The following C1RL variants were observed in gnomAD, a reference collection of about 807,000 sequenced individuals.
C1RL encodes complement C1r subcomponent like.
In C1RL, 27 loss-of-function variants were observed where a neutral mutation model predicts 27.9. The ratio of observed to expected loss-of-function variants is 0.97; its 90% CI spans 0.71 to 1.33. The LOEUF (loss-of-function observed/expected upper bound fraction) is 1.33. Ranked by LOEUF, C1RL falls within the 40% of genes most tolerant of loss-of-function variation. The pLI, the probability that C1RL is intolerant of heterozygous loss-of-function variation, is 0.00. For synonymous variants in C1RL, 248 were observed against 252.1 expected, an observed-to-expected ratio of 0.98 and a Z score of 0.15; for missense variants, 563 against 623.9, an observed-to-expected ratio of 0.90 and a Z score of 1.04.
chr12:7,108,161 G>A, intron 2 of C1RL, 90 bp downstream of exon 2: 1 of 1,073,844 alleles, frequency 9.3e-7, no homozygotes, highest in Non-Finnish European at 1.3e-6. Context: ...CCCTCCTCCA[G>A]ATGGGGGATT....
rs1938829928 is a variant in C1RL, at chr12:7,108,462, C to T, written c.89G>A (p.Trp30Ter). 2 of 1,598,508 alleles carry T rather than the reference C, an allele frequency of 1.3e-6. No individual in the cohort carries two copies. The highest frequency in any genetic ancestry group is 8.5e-7 in the Non-Finnish European group (1 of 1,170,244). ...CPGAMWWLLLWGVLQACPTRG... is the reference protein window; with the variant it reads ...CPGAMWWLLL The stretch of plus-strand genomic sequence containing the variant: ...GGTTGGGCAAGCCTGGAGGACTCCC[C>T]AGAGAAGCAGCCACCACCTGTGAGT... The change falls in exon 2 of 6, where the codon TGG becomes TAG. Residue 30 changes from tryptophan to a stop codon, truncating the protein, a stop_gained. Coordinates refer to ENST00000266542, the MANE Select transcript of C1RL (RefSeq NM_016546.4). LOFTEE classifies it high-confidence loss of function.
rs1938822726 is a variant in C1RL at position 7,108,313 on chromosome 12, T to C, written c.238A>G (p.Arg80Gly). 1 of 1,614,222 alleles carries C rather than the reference T, an allele frequency of 6.2e-7. No homozygotes were observed. Among genetic ancestry groups the C allele is most frequent in the Non-Finnish European group, 8.5e-7 (1 of 1,180,016 alleles). The change falls in exon 2 of 6, where the codon AGG becomes GGG. Residue 80 changes from arginine (R) to glycine (G), a missense_variant. Physicochemically the swap from Arg to Gly is moderately radical, Grantham distance 125 (BLOSUM62 -2). Transcript: ENST00000266542. ...DIKAPEGFAV[R>G]LVFQDFDLEP... ...AGGTCGAAGTCCTGGAAGACGAGCCTCACAGCAAAGCCCTCTGGAGCCTTG... is the reference window on the plus strand; with the variant it reads ...AGGTCGAAGTCCTGGAAGACGAGCCCCACAGCAAAGCCCTCTGGAGCCTTG...
rs746609919 is a variant in C1RL, at chr12:7,104,453, G to A, written c.301-2366C>T. ...AGAAAAAATATTGCCCCGTGTCCGGGGCCACTCTCTGGGTGAAGTCTGCAC... is the reference window on the plus strand; with the variant it reads ...AGAAAAAATATTGCCCCGTGTCCGGAGCCACTCTCTGGGTGAAGTCTGCAC... On this transcript the variant is annotated intron_variant, in intron 2 of 5. Coordinates refer to ENST00000266542, the MANE Select transcript of C1RL (RefSeq NM_016546.4). This position sits in a 1 kb window ranked among gnomAD's most constrained non-coding sequence, Gnocchi z 5.4. Among the ~76,000 whole-genome samples, 1 of 152,188 alleles carries A rather than the reference G, an allele frequency of 6.6e-6. No individual in the cohort carries two copies. Among genetic ancestry groups the A allele is most frequent in the Non-Finnish European group, 1.5e-5 (1 of 68,038 alleles).
In C1RL at chr12:7,096,496, C is replaced by T. The variant is rs764842972; in HGVS notation, c.1359G>A (p.Thr453=). 2.5e-6 allele frequency: 4 copies of T among 1,614,140 alleles called. No individual in the cohort carries two copies. The highest frequency in any genetic ancestry group is 1.3e-5 in the African/African-American group (1 of 75,008). ...WDNHAHHWVA[T]GIVSWGIGCG... Reference sequence around the variant, plus strand: ...ACCCTATGCCCCAGGACACAATGCCCGTGGCCACCCAGTGATGGGCATGAT... The same window carrying T: ...ACCCTATGCCCCAGGACACAATGCCTGTGGCCACCCAGTGATGGGCATGAT... Residue 453 remains threonine, a synonymous_variant, in exon 6 of 6, where the codon ACG becomes ACA. Transcript: ENST00000266542.
chr12:7,099,682 T>C lies in C1RL; in HGVS notation c.691+4A>G. 1.9e-6 allele frequency: 3 copies of C among 1,552,524 alleles called. No individual in the cohort carries two copies. Among genetic ancestry groups the C allele is most frequent in the Non-Finnish European group, 2.6e-6 (3 of 1,147,346 alleles). Reference sequence around the variant, plus strand: ...GGGAATGGTGCTAGCAGGTGGCTACTCACCAGGCATACACTGAAGAACCTC... The same window carrying C: ...GGGAATGGTGCTAGCAGGTGGCTACCCACCAGGCATACACTGAAGAACCTC... On this transcript the variant is annotated splice_donor_region_variant and intron_variant, in intron 5 of 5. Transcript: ENST00000266542.
At chr12:7,108,159 C>T (rs936759035) in intron 2 of C1RL, 92 bp downstream of exon 2, 4 of 1,054,066 alleles carry the variant, frequency 3.8e-6, no homozygotes, top group Admixed American at 5.8e-5. Context: ...ATCCCTCCTC[C>T]AGATGGGGGA....
intron 1 of C1RL, 130 bp downstream of exon 1, chr12:7,108,980 T>G (rs1289329003): frequency 1.9e-4 from 30 of 157,256 alleles, no homozygotes; most frequent in East Asian, 9.0e-4. Flanking sequence ...TGTGTGTGTG[T>G]GTGTGTGTGG....
At chr12:7,098,402 T>C (rs1273986323) in intron 5 of C1RL, 1 of 152,188 alleles carries the variant, frequency 6.6e-6, no homozygotes, top group Non-Finnish European at 1.5e-5. Context: ...TTGAAGACAG[T>C]TTGGTGGTTC....
In C1RL at chr12:7,094,746, T is replaced by C. The variant is rs77760883; in HGVS notation, c.*1645A>G. On this transcript the variant is annotated 3_prime_UTR_variant, in exon 6 of 6. Transcript: ENST00000266542. The stretch of plus-strand genomic sequence containing the variant: ...ACCTCTGTTTAGTATTTTGAGAGAA[T>C]TATTATTATATTTTTGGCGATGGGG... 6.4e-3 allele frequency: 6,246 copies of C among 976,714 alleles called. 289 individuals are homozygous for C. In the African/African-American group the frequency reaches 0.098, roughly 15 times the overall value. 60.5% of individuals were successfully genotyped at this position (976,714 alleles called of 1,614,324 possible).
chr12:7,106,256 T>G (rs1385937598), intron 2 of C1RL, among the ~76,000 whole-genome samples: 1 of 152,156 alleles, frequency 6.6e-6, no homozygotes, highest in African/African-American at 2.4e-5. Context: ...ATCATCAAAA[T>G]TCTGGAAGAA....
At position 7,096,645 on chromosome 12, in the gene C1RL, C is replaced by T. The variant is rs369232515; in HGVS notation, c.1210G>A (p.Ala404Thr). Reference protein sequence around the residue: ...LPVAPREACNAWLQKRQRPEV... With the variant: ...LPVAPREACNTWLQKRQRPEV... Reference sequence around the variant, plus strand: ...GGTCTCTGTCTCTTTTGGAGCCAGGCGTTGCAGGCCTCCCTGGGAGCTACA... The same window carrying T: ...GGTCTCTGTCTCTTTTGGAGCCAGGTGTTGCAGGCCTCCCTGGGAGCTACA... Residue 404 changes from alanine (A) to threonine (T), a missense_variant, in exon 6 of 6, where the codon GCC (alanine) becomes ACC (threonine). By Grantham distance (58) the Ala-to-Thr change is moderately conservative (BLOSUM62 0). Coordinates refer to ENST00000266542, the MANE Select transcript of C1RL (RefSeq NM_016546.4). The T allele has an allele frequency of 4.8e-5, 78 of 1,614,162 alleles. No individual in the cohort carries two copies. Among genetic ancestry groups the T allele is most frequent in the East Asian group, 3.1e-4 (14 of 44,874 alleles).
chr12:7,097,336 G>A (rs1938479997), intron 5 of C1RL, 173 bp from the exon 6 acceptor site: 3 of 597,318 alleles, frequency 5.0e-6, no homozygotes, highest in Admixed American at 3.5e-5. Flanking sequence ...AGACTGGAGC[G>A]TACTTGCGCG....
Position 7,097,163 on chromosome 12 carries a change from A to T in C1RL, c.692T>A (p.Val231Asp), listed in dbSNP as rs375532490. The T allele has an allele frequency of 1.1e-4, 169 of 1,598,048 alleles. No homozygotes were observed. The African/African-American group carries it at 2.1e-3, about 20-fold the overall frequency. Residue 231 changes from valine (V) to aspartate (D), a missense_variant and splice_region_variant, in exon 6 of 6, where the codon GTC becomes GAC. By Grantham distance (152) the Val-to-Asp change is radical (BLOSUM62 -3). Transcript: ENST00000266542. ...DGEEVLQCMPVCGRPVTPIAQ... is the reference protein window; with the variant it reads ...DGEEVLQCMPDCGRPVTPIAQ... ...AATGGGGGTGACTGGCCGTCCGCAG[A>T]CTGGGAGAGAGGCGGGGTAGGGGTG...
chr12:7,096,015 G>A lies in C1RL; in HGVS notation c.*376C>T, dbSNP rs1938413335. On this transcript the variant is annotated 3_prime_UTR_variant, in exon 6 of 6. Transcript: ENST00000266542. ...CCCTTCCTCCATACTCTAATAGCGG[G>A]TGAGTAGCTGACTCTTCCACAGGTG... 1 of 1,020,902 alleles carries A rather than the reference G, an allele frequency of 9.8e-7. No individual in the cohort carries two copies. Among genetic ancestry groups the A allele is most frequent in the Non-Finnish European group, 1.2e-6 (1 of 854,460 alleles). The allele number at this position is 1,020,902 out of a possible 1,614,324, so 63.2% of individuals were successfully genotyped here.
chr12:7,103,543 G>A (rs1001660998), intron 2 of C1RL, among the ~76,000 whole-genome samples: 1 of 152,136 alleles, frequency 6.6e-6, no homozygotes, highest in Non-Finnish European at 1.5e-5. Context: ...TCATTATGTT[G>A]TGTGTCCTGC....
rs756508928 is a variant in C1RL at position 7,096,604 on chromosome 12, G to A, written c.1251C>T (p.Asp417=). 1.2e-6 allele frequency: 2 copies of A among 1,613,992 alleles called. No individual in the cohort carries two copies. Among genetic ancestry groups the A allele is most frequent in the Non-Finnish European group, 1.7e-6 (2 of 1,180,032 alleles). The change falls in exon 6 of 6, where the codon GAC becomes GAT. Residue 417 remains aspartate (D), a synonymous_variant. Transcript: ENST00000266542. The stretch of plus-strand genomic sequence containing the variant: ...TCTCATCCCCAACACAGAACATATT[G>A]TCAGAAAACACCTCGGGTCTCTGTC... ...QKRQRPEVFS[D]NMFCVGDETQ... is the part of the protein sequence containing the mutation.
chr12:7,102,708 G>A (rs1309444836), intron 2 of C1RL, among the ~76,000 whole-genome samples: 5 of 152,106 alleles, frequency 3.3e-5, no homozygotes, highest in Admixed American at 1.3e-4. Flanking sequence ...CTTTGTAAAC[G>A]AAGCTCTCAC....
chr12:7,095,461 T>C lies in C1RL; in HGVS notation c.*930A>G. 2.0e-6 allele frequency: 2 copies of C among 994,144 alleles called. No homozygotes were observed. Among genetic ancestry groups the C allele is most frequent in the Non-Finnish European group, 2.4e-6 (2 of 834,792 alleles). 61.6% of individuals were successfully genotyped at this position (994,144 alleles called of 1,614,324 possible). On this transcript the variant is annotated 3_prime_UTR_variant, in exon 6 of 6. Coordinates refer to ENST00000266542, the MANE Select transcript of C1RL (RefSeq NM_016546.4). ...AAATTAAAGAGTTGGTCCTCTCAGG[T>C]GGAGCAGTTCCCCTGATGATAGGGG...
intron 2 of C1RL, among the ~76,000 whole-genome samples, chr12:7,107,636 C>T (rs1466147337): frequency 6.6e-6 from 1 of 151,176 alleles, no homozygotes; most frequent in Non-Finnish European, 1.5e-5. Context: ...TTATTATTTA[C>T]TTATTTTTGA....
Sources: gnomAD v4.1 joint callset for allele counts (sites outside exome capture counted in the v4.1 genomes callset) on GRCh38, gnomAD v4.1.1 for gene constraint, Gnocchi (gnomAD v3.1) non-coding constraint, MANE v1.5 for transcripts, NCBI Gene and HGNC (gene_info 2026-07-23, HGNC 2026-07-21) for gene names.